The following PJA2 variants were observed in gnomAD, a reference collection of about 807,000 sequenced individuals.
The protein encoded by PJA2 is praja ring finger ubiquitin ligase 2.
Under a neutral mutation model 69.3 loss-of-function variants are expected in PJA2, and 25 were observed. The ratio of observed to expected loss-of-function variants is 0.36; its 90% CI spans 0.26 to 0.50. The LOEUF (loss-of-function observed/expected upper bound fraction) is 0.50, where lower values mean the gene tolerates loss of function less well. Among genes scored for constraint, PJA2 ranks in the 20% least tolerant of loss-of-function variants. The pLI is 0.96. For missense variants in PJA2, 809 were observed against 830.2 expected (o/e 0.97, Z 0.31); for synonymous variants, 308 against 277.8 (o/e 1.11, Z -1.08).
At chr5:109,354,486 A>G (rs1257396650) in intron 7 of PJA2, among the ~76,000 whole-genome samples, 3 of 137,966 alleles carry the variant, frequency 2.2e-5, no homozygotes, top group South Asian at 2.3e-4. Context: ...TATAGATTAG[A>G]TATCTATAAT....
Position 109,361,351 on chromosome 5 carries a change from T to C in PJA2, c.1652+1489A>G, listed in dbSNP as rs138288544. On this transcript the variant is annotated intron_variant, in intron 6 of 9. Coordinates refer to ENST00000361189, the MANE Select transcript of PJA2 (RefSeq NM_014819.5). ...GAAAAAGTTCACTGCACTATTTCAA[T>C]GAGTCAATAATCTGTTAAATCTTAG... Among the ~76,000 whole-genome samples the C allele has an allele frequency of 2.8e-3, 434 of 152,328 alleles. 6 individuals are homozygous for C. The highest frequency in any genetic ancestry group is 0.021 in the Admixed American group (320 of 15,300).
chr5:109,346,770 G>T (rs1203858972), intron 7 of PJA2, among the ~76,000 whole-genome samples: 1 of 152,110 alleles, frequency 6.6e-6, no homozygotes, highest in East Asian at 1.9e-4. Flanking sequence ...AAAATGGGGA[G>T]TTACTGTTTA....
chr5:109,400,924 A>G (rs1747530259), intron 1 of PJA2, among the ~76,000 whole-genome samples: 1 of 152,190 alleles, frequency 6.6e-6, no homozygotes, highest in Non-Finnish European at 1.5e-5. Context: ...CAGAGCTTGC[A>G]GTGAGCCGAG....
At chr5:109,405,138 A>T (rs1747653849) in intron 1 of PJA2, among the ~76,000 whole-genome samples, 1 of 152,250 alleles carries the variant, frequency 6.6e-6, no homozygotes, top group African/African-American at 2.4e-5. Context: ...GTATTTTTAC[A>T]TATAGCAGTG....
chr5:109,403,033 A>C (rs1271160984), intron 1 of PJA2, among the ~76,000 whole-genome samples: 1 of 152,050 alleles, frequency 6.6e-6, no homozygotes, highest in African/African-American at 2.4e-5. Flanking sequence ...AATAGTAAGA[A>C]GCAGAAATCA....
chr5:109,404,428 G>C (rs1310392120), intron 1 of PJA2, among the ~76,000 whole-genome samples: 1 of 151,924 alleles, frequency 6.6e-6, no homozygotes, highest in Non-Finnish European at 1.5e-5. Context: ...GGCTGAGGCA[G>C]AATTGCTTGA....
intron 1 of PJA2, among the ~76,000 whole-genome samples, chr5:109,402,536 C>A (rs1339418654): frequency 6.6e-6 from 1 of 152,010 alleles, no homozygotes; most frequent in Non-Finnish European, 1.5e-5. Context: ...ACACATGATG[C>A]AAAAACTGAA....
chr5:109,361,167 A>C (rs1301361911), intron 6 of PJA2, among the ~76,000 whole-genome samples: 1 of 152,198 alleles, frequency 6.6e-6, no homozygotes, highest in Non-Finnish European at 1.5e-5. Context: ...GACTTCCATT[A>C]TTCCTTCAAA....
chr5:109,342,298 C>T (rs1349508664), intron 9 of PJA2, among the ~76,000 whole-genome samples: 212 of 96,318 alleles, frequency 2.2e-3, no homozygotes, highest in African/African-American at 7.9e-3. Context: ...CCCCTCTGCC[C>T]GGCCAGCCGC....
chr5:109,403,582 T>A (rs958081117), intron 1 of PJA2, among the ~76,000 whole-genome samples: 1 of 151,884 alleles, frequency 6.6e-6, no homozygotes, highest in Non-Finnish European at 1.5e-5. Context: ...TTTCACCAAT[T>A]TATAAAAATG....
At chr5:109,354,590 C>T (rs913384897) in intron 7 of PJA2, among the ~76,000 whole-genome samples, 14 of 115,554 alleles carry the variant, frequency 1.2e-4, no homozygotes, top group Non-Finnish European at 2.5e-4. Flanking sequence ...ATATCTATAT[C>T]GATATTACAT....
chr5:109,381,378 TTTC>T (rs1747044684), intron 3 of PJA2, 122 bp downstream of exon 3: 1 of 656,496 alleles, frequency 1.5e-6, no homozygotes. Flanking sequence ...CAAAATAGAA[TTTC>T]TTGATAGGAA....
intron 4 of PJA2, among the ~76,000 whole-genome samples, chr5:109,371,585 A>T (rs1174336084): frequency 1.3e-5 from 2 of 152,214 alleles, no homozygotes; most frequent in Non-Finnish European, 1.5e-5. Flanking sequence ...ATAGTCAATT[A>T]TTAATTGGTG....
At chr5:109,338,650 A>G in intron 9 of PJA2, among the ~76,000 whole-genome samples, 1 of 152,038 alleles carries the variant, frequency 6.6e-6, no homozygotes, top group South Asian at 2.1e-4. Flanking sequence ...AAAAAAAAAA[A>G]AAAAAAAAAA....
At chr5:109,363,076 A>C in intron 5 of PJA2, 54 bp from the exon 6 acceptor site, 1 of 1,434,488 alleles carries the variant, frequency 7.0e-7, no homozygotes, top group Non-Finnish European at 9.5e-7. Context: ...ACATACCATA[A>C]CACTGTCTTT....
At chr5:109,344,854 T>A (rs369473997) in intron 7 of PJA2, 35 bp from the exon 8 acceptor site, 60 of 1,393,662 alleles carry the variant, frequency 4.3e-5, no homozygotes, top group Non-Finnish European at 5.7e-5. Context: ...TTGTTAGAAA[T>A]ACTTTAAAAC....
chr5:109,383,606 T>C, intron 1 of PJA2, 86 bp from the exon 2 acceptor site: 1 of 507,370 alleles, frequency 2.0e-6, no homozygotes, highest in Non-Finnish European at 3.5e-6. Context: ...TAGTGAAGTC[T>C]TATAATAAAA....
intron 7 of PJA2, among the ~76,000 whole-genome samples, chr5:109,354,810 T>G (rs1379417238): frequency 6.6e-6 from 1 of 151,102 alleles, no homozygotes; most frequent in East Asian, 1.9e-4. Flanking sequence ...CTATCTAACT[T>G]GTCAATCTAA....
At chr5:109,383,730 C>T (rs1747100406) in intron 1 of PJA2, among the ~76,000 whole-genome samples, 1 of 152,198 alleles carries the variant, frequency 6.6e-6, no homozygotes, top group East Asian at 1.9e-4. Context: ...CTCAGGAATT[C>T]GAGAACAACC....
Sources: allele counts gnomAD v4.1 joint callset (sites outside exome capture counted in the v4.1 genomes callset), GRCh38; gene constraint gnomAD v4.1.1; transcripts MANE v1.5; gene names NCBI Gene and HGNC (gene_info 2026-07-23, HGNC 2026-07-21).